AFF3: variants seen among roughly 807,000 people sequenced by gnomAD.
AFF3 encodes AF4/FMR2 family member 3.
Under a neutral mutation model 129.7 loss-of-function variants are expected in AFF3, and 32 were observed. The ratio of observed to expected loss-of-function variants is 0.25; its 90% CI spans 0.19 to 0.33. The LOEUF (loss-of-function observed/expected upper bound fraction) is 0.33, where lower values mean the gene tolerates loss of function less well. AFF3 is among the 10% of genes least tolerant of loss of function. AFF3 has a pLI of 1.00. For synonymous variants in AFF3, 644 were observed against 635.4 expected (o/e 1.01, Z -0.20); for missense variants, 1,373 against 1,592.0 (o/e 0.86, Z 2.34).
chr2:99,622,306 C>T (rs541328013), intron 13 of AFF3, among the ~76,000 whole-genome samples: 63 of 152,238 alleles, frequency 4.1e-4, no homozygotes, highest in African/African-American at 1.3e-3. Flanking sequence ...CACGTGCAGA[C>T]GCTGAGAATG....
chr2:99,912,239 A>AC (rs1193744967), intron 7 of AFF3, among the ~76,000 whole-genome samples: 1 of 152,218 alleles, frequency 6.6e-6, no homozygotes, highest in Non-Finnish European at 1.5e-5. Context: ...GCAAAACTCC[A>AC]CCTTGACCCA....
At chr2:99,570,942 C>A (rs1039960355) in intron 18 of AFF3, among the ~76,000 whole-genome samples, 2 of 152,230 alleles carry the variant, frequency 1.3e-5, no homozygotes, top group African/African-American at 4.8e-5. Flanking sequence ...GGTCCATGTT[C>A]CCCTCTGTCC....
Position 99,806,293 on chromosome 2 carries a change from C to G in AFF3, c.921+31184G>C, listed in dbSNP as rs534804012. Reference sequence around the variant, plus strand: ...CCATCAACATTCATTGAGCTTCTGTCTACTACATGTGAAGCAGCATGTGGG... The same window carrying G: ...CCATCAACATTCATTGAGCTTCTGTGTACTACATGTGAAGCAGCATGTGGG... On this transcript the variant is annotated intron_variant, in intron 8 of 24. Transcript: ENST00000672756. Among the ~76,000 whole-genome samples the G allele has an allele frequency of 3.9e-5, 6 of 152,318 alleles. No individual in the cohort carries two copies. In the East Asian group the frequency reaches 1.2e-3, roughly 29 times the overall value.
At chr2:99,836,551 T>A (rs927338645) in intron 8 of AFF3, among the ~76,000 whole-genome samples, 2 of 152,144 alleles carry the variant, frequency 1.3e-5, no homozygotes, top group African/African-American at 4.8e-5. Flanking sequence ...GATTTATTTA[T>A]GAAATAATGC....
chr2:99,824,236 C>A (rs1273378848), intron 8 of AFF3, among the ~76,000 whole-genome samples: 1 of 152,088 alleles, frequency 6.6e-6, no homozygotes, highest in African/African-American at 2.4e-5. Context: ...CTGCCTCAGC[C>A]TCCCCAGTAG....
At chr2:99,807,365 T>TACCTAATGCATGA (rs1441116621) in intron 8 of AFF3, among the ~76,000 whole-genome samples, 3 of 152,198 alleles carry the variant, frequency 2.0e-5, no homozygotes, top group Non-Finnish European at 4.4e-5. Flanking sequence ...ACTCACCATG[T>TACCTAATGCATGA]ACCTAATGCA....
chr2:100,139,598 AT>A (rs1271666577), intron 1 of AFF3, among the ~76,000 whole-genome samples: 1 of 152,218 alleles, frequency 6.6e-6, no homozygotes, highest in Non-Finnish European at 1.5e-5. Context: ...ATAGGTTTGT[AT>A]TTGTACACAA....
chr2:99,591,619 A>G (rs1163134320), intron 15 of AFF3, among the ~76,000 whole-genome samples: 1 of 152,240 alleles, frequency 6.6e-6, no homozygotes, highest in African/African-American at 2.4e-5. Flanking sequence ...GGCCAGGACA[A>G]GGTAACAAGC....
chr2:100,001,986 C>G (rs529450834), intron 7 of AFF3, among the ~76,000 whole-genome samples: 1 of 152,304 alleles, frequency 6.6e-6, no homozygotes, highest in African/African-American at 2.4e-5. Flanking sequence ...CGTAACCATC[C>G]GTGCTGTTGC....
At chr2:100,055,176 C>T (rs1185000715) in intron 4 of AFF3, among the ~76,000 whole-genome samples, 3 of 152,126 alleles carry the variant, frequency 2.0e-5, no homozygotes, top group Non-Finnish European at 4.4e-5. Flanking sequence ...CCTGACACTT[C>T]TGAAAGAGAC....
chr2:99,623,419 C>G (rs1053092466), intron 13 of AFF3, among the ~76,000 whole-genome samples: 2 of 152,212 alleles, frequency 1.3e-5, no homozygotes, highest in East Asian at 1.9e-4. Flanking sequence ...CACTGGAATA[C>G]TCATGCGGTG....
At chr2:99,815,705 G>GA (rs1553459230) in intron 8 of AFF3, among the ~76,000 whole-genome samples, 1 of 142,108 alleles carries the variant, frequency 7.0e-6, no homozygotes, top group East Asian at 2.0e-4. Context: ...TGGGTTGAGA[G>GA]TTTTTTTTTT....
At chr2:99,709,449 C>G (rs1249852840) in intron 11 of AFF3, among the ~76,000 whole-genome samples, 2 of 152,126 alleles carry the variant, frequency 1.3e-5, no homozygotes, top group Non-Finnish European at 1.5e-5. Flanking sequence ...ATCACGTGAT[C>G]TAGCCCAAAC....
At chr2:99,991,875 C>G (rs1360940967) in intron 7 of AFF3, among the ~76,000 whole-genome samples, 4 of 151,692 alleles carry the variant, frequency 2.6e-5, no homozygotes, top group Admixed American at 2.6e-4. Flanking sequence ...TGCACTACAG[C>G]CTGGGCAACA....
intron 1 of AFF3, among the ~76,000 whole-genome samples, chr2:100,136,586 C>A (rs1273349076): frequency 6.6e-6 from 1 of 152,186 alleles, no homozygotes; most frequent in Non-Finnish European, 1.5e-5. Context: ...CACTTTCACA[C>A]TTTCCCTTCT....
Position 99,628,557 on chromosome 2 carries a change from T to C in AFF3, c.1184+21069A>G, listed in dbSNP as rs1018141431. Reference sequence around the variant, plus strand: ...CTATTTGAATACCCTTTCTTTCTTTTTTTTTTTCTTTTTTCTTGAGATGGA... The same window carrying C: ...CTATTTGAATACCCTTTCTTTCTTTCTTTTTTTCTTTTTTCTTGAGATGGA... On this transcript the variant is annotated intron_variant, in intron 13 of 24. Coordinates refer to ENST00000672756, the MANE Select transcript of AFF3 (RefSeq NM_001386135.1). Among the ~76,000 whole-genome samples the C allele has an allele frequency of 5.3e-5, 8 of 151,832 alleles. No homozygotes were observed. The South Asian group carries it at 1.0e-3, about 20-fold the overall frequency.
intron 11 of AFF3, among the ~76,000 whole-genome samples, chr2:99,710,544 G>A (rs1677801328): frequency 6.6e-6 from 1 of 152,158 alleles, no homozygotes; most frequent in African/African-American, 2.4e-5. Flanking sequence ...ACTGTGCCTG[G>A]CCAGTATTCA....
chr2:99,977,948 A>AG (rs1366770458), intron 7 of AFF3, among the ~76,000 whole-genome samples: 1 of 152,112 alleles, frequency 6.6e-6, no homozygotes, highest in Non-Finnish European at 1.5e-5. Flanking sequence ...AGCCCATCCC[A>AG]ACACTGTCCT....
intron 8 of AFF3, among the ~76,000 whole-genome samples, chr2:99,799,605 G>C (rs565096431): frequency 3.3e-5 from 5 of 151,996 alleles, no homozygotes; most frequent in Non-Finnish European, 7.4e-5. Flanking sequence ...TTTTATTTGT[G>C]TGGAAATTGA....
Sources: gnomAD v4.1 joint callset for allele counts (sites outside exome capture counted in the v4.1 genomes callset) on GRCh38, gnomAD v4.1.1 for gene constraint, MANE v1.5 for transcripts, NCBI Gene and HGNC (gene_info 2026-07-23, HGNC 2026-07-21) for gene names.